Variants in SH3PXD2B observed in about 807,000 individuals in gnomAD.
SH3PXD2B encodes the protein SH3 and PX domains 2B, also known as SH3 and PX domain-containing protein 2B.
SH3PXD2B carries 37 observed loss-of-function variants against 73.1 expected under a neutral mutation model. That is an observed-to-expected ratio of 0.51 (90% CI 0.39 to 0.67). The LOEUF (loss-of-function observed/expected upper bound fraction) is 0.67, where lower values mean the gene tolerates loss of function less well. Among genes scored for constraint, SH3PXD2B ranks in the 30% least tolerant of loss-of-function variants. The pLI, the probability that SH3PXD2B is intolerant of heterozygous loss-of-function variation, is 0.00. For synonymous variants in SH3PXD2B, 457 were observed against 480.5 expected (o/e 0.95, Z 0.64); for missense variants, 1,053 against 1,197.8 (o/e 0.88, Z 1.78).
Position 172,379,354 on chromosome 5 carries a change from GC to G in SH3PXD2B, c.401+2681del, listed in dbSNP as rs1410151140. The stretch of plus-strand genomic sequence containing the variant: ...AAAAAGAAGAGACATAAGAGAGCTG[GC>G]TTTCTCTCTCTCTCTCTCTCCCATG... On this transcript the variant is annotated intron_variant, in intron 5 of 12. Coordinates refer to ENST00000311601, the MANE Select transcript of SH3PXD2B (RefSeq NM_001017995.3). 2.0e-5 allele frequency among the ~76,000 whole-genome samples: 3 copies of G among 151,008 alleles called. No individual in the cohort carries two copies. The East Asian group carries it at 5.8e-4, about 29-fold the overall frequency.
rs112978337 is a variant in SH3PXD2B at position 172,337,418 on chromosome 5, T to G, written c.*951A>C. The G allele has an allele frequency of 3.0e-5, 29 of 980,580 alleles. No homozygotes were observed. In the African/African-American group the frequency reaches 4.5e-4, roughly 15 times the overall value. The allele number at this position is 980,580 out of a possible 1,614,324, so 60.7% of individuals were successfully genotyped here. ...GTCCTTGGGCACATGGAGCGTGAATTTCCTCATCTATAAAGGGAGGTTGTG... is the reference window on the plus strand; with the variant it reads ...GTCCTTGGGCACATGGAGCGTGAATGTCCTCATCTATAAAGGGAGGTTGTG... On this transcript the variant is annotated 3_prime_UTR_variant, in exon 13 of 13. Transcript: ENST00000311601.
chr5:172,438,394 G>T (rs927384709), intron 1 of SH3PXD2B, among the ~76,000 whole-genome samples: 2 of 152,170 alleles, frequency 1.3e-5, no homozygotes, highest in Admixed American at 6.5e-5. Context: ...GGCCGGGTTT[G>T]TCTATTCACC....
At position 172,339,949 on chromosome 5, in the gene SH3PXD2B, A is replaced by T. The variant is rs369952816; in HGVS notation, c.1189-33T>A. ...GGAGGATAGAGAAAGGCACTTGGCT[A>T]CGATGCCAGGGCCAGCAGATGGAAT... On this transcript the variant is annotated intron_variant, in intron 12 of 12. Coordinates refer to ENST00000311601, the MANE Select transcript of SH3PXD2B (RefSeq NM_001017995.3). The surrounding 1 kb of genome is among the most constrained non-coding windows in gnomAD (Gnocchi z 6.1). 757 of 1,613,432 alleles carry T rather than the reference A, an allele frequency of 4.7e-4. 1 individual carries two copies. Among genetic ancestry groups the T allele is most frequent in the Middle Eastern group, 4.9e-4 (3 of 6,082 alleles).
At chr5:172,386,973 A>G (rs998720143) in intron 4 of SH3PXD2B, among the ~76,000 whole-genome samples, 1 of 152,194 alleles carries the variant, frequency 6.6e-6, no homozygotes, top group African/African-American at 2.4e-5. Flanking sequence ...TATTGTTTTC[A>G]GAAGTTCAAA....
intron 2 of SH3PXD2B, among the ~76,000 whole-genome samples, chr5:172,419,568 C>G (rs1758909692): frequency 6.6e-6 from 1 of 152,176 alleles, no homozygotes; most frequent in African/African-American, 2.4e-5. Flanking sequence ...TGGGCAACTG[C>G]AGGAAGTGGT....
rs1293457938 is a variant in SH3PXD2B, at chr5:172,350,511, G to A, written c.864C>T (p.Gly288=). ...NSGEPLPPKP[G]PGSPSHPGAL... is the part of the protein sequence containing the mutation. The stretch of plus-strand genomic sequence containing the variant: ...CACCCGGGTGGGAGGGTGAGCCAGG[G>A]CCTGGCTTCGGGGGCAAGGGCTCCC... The change falls in exon 10 of 13, where the codon GGC becomes GGT. Residue 288 remains glycine (G), a synonymous_variant. Coordinates refer to ENST00000311601, the MANE Select transcript of SH3PXD2B (RefSeq NM_001017995.3). 6.2e-7 allele frequency: 1 copy of A among 1,614,136 alleles called. No homozygotes were observed. The highest frequency in any genetic ancestry group is 8.5e-7 in the Non-Finnish European group (1 of 1,180,002).
intron 1 of SH3PXD2B, among the ~76,000 whole-genome samples, chr5:172,438,741 A>G (rs1759450758): frequency 6.6e-6 from 1 of 152,142 alleles, no homozygotes; most frequent in African/African-American, 2.4e-5. Flanking sequence ...GCCTCATCCC[A>G]CTGTATGTCA....
At position 172,339,535 on chromosome 5, in the gene SH3PXD2B, G is replaced by A; in HGVS notation, c.1570C>T (p.Pro524Ser). 1 of 1,614,154 alleles carries A rather than the reference G, an allele frequency of 6.2e-7. No homozygotes were observed. Among genetic ancestry groups the A allele is most frequent in the Non-Finnish European group, 8.5e-7 (1 of 1,180,046 alleles). The change falls in exon 13 of 13, where the codon CCG becomes TCG. Residue 524 changes from proline (P) to serine (S), a missense_variant. Transcript: ENST00000311601. The surrounding 1 kb of genome is among the most constrained non-coding windows in gnomAD (Gnocchi z 6.1). Reference sequence around the variant, plus strand: ...GACTTGATGATGGATTCTTTCCGCGGAGGGAGGCTGGGCTTCTCCTCCATG... The same window carrying A: ...GACTTGATGATGGATTCTTTCCGCGAAGGGAGGCTGGGCTTCTCCTCCATG... ...PDMEEKPSLP[P>S]RKESIIKSEG... is the part of the protein sequence containing the mutation.
intron 2 of SH3PXD2B, among the ~76,000 whole-genome samples, chr5:172,408,964 T>C (rs1445007672): frequency 1.3e-5 from 2 of 152,256 alleles, no homozygotes; most frequent in African/African-American, 4.8e-5. Flanking sequence ...TCAGCATATT[T>C]ACACATTCAT....
At chr5:172,326,061 A>G (rs1389938057) in intron 12 of SH3PXD2B, among the ~76,000 whole-genome samples, 1 of 152,216 alleles carries the variant, frequency 6.6e-6, no homozygotes, top group Non-Finnish European at 1.5e-5. Context: ...TGTTGGGATT[A>G]CAGGCGTGAG....
rs751896430 is a variant in SH3PXD2B at position 172,350,383 on chromosome 5, G to A, written c.992C>T (p.Pro331Leu). ...CTCACTCTGCTTGGCGTCACCGTCGGGCACCGGGCGGCCTTCAAACCGCCC... is the reference window on the plus strand; with the variant it reads ...CTCACTCTGCTTGGCGTCACCGTCGAGCACCGGGCGGCCTTCAAACCGCCC... The part of the protein sequence containing the change: ...RDGRFEGRPV[P>L]DGDAKQRSPK... Residue 331 changes from proline (P) to leucine (L), a missense_variant, in exon 10 of 13, where the codon CCC becomes CTC. This residue lies in a region of SH3PXD2B where 466 missense variants were observed against 607.1 expected (regional missense o/e 0.77). Transcript: ENST00000311601. 7 of 1,613,714 alleles carry A rather than the reference G, an allele frequency of 4.3e-6. No homozygotes were observed. In the South Asian group the frequency reaches 7.7e-5, roughly 18 times the overall value.
At chr5:172,412,577 A>G (rs1047303591) in intron 2 of SH3PXD2B, among the ~76,000 whole-genome samples, 1 of 152,174 alleles carries the variant, frequency 6.6e-6, no homozygotes. Context: ...GACTCAGGAT[A>G]AGATGCTGGG....
At chr5:172,326,743 CT>C (rs1171081620) in intron 12 of SH3PXD2B, among the ~76,000 whole-genome samples, 5 of 152,062 alleles carry the variant, frequency 3.3e-5, no homozygotes, top group Admixed American at 2.6e-4. Context: ...TACGTAAATA[CT>C]TGTGTAACAT....
At chr5:172,331,811 C>A (rs1756561599), downstream of SH3PXD2B, among the ~76,000 whole-genome samples, 1 of 151,926 alleles carries the variant, frequency 6.6e-6, no homozygotes, top group Non-Finnish European at 1.5e-5. Context: ...AGTTAGCTGG[C>A]AGTACACACC....
At chr5:172,350,213 A>C in intron 10 of SH3PXD2B, 150 bp downstream of exon 10, 25 of 690,458 alleles carry the variant, frequency 3.6e-5, no homozygotes, top group Non-Finnish European at 5.1e-5. Flanking sequence ...GGAATAAGTT[A>C]CCCGGGGTTT....
At chr5:172,375,844 T>A (rs940952901) in intron 5 of SH3PXD2B, among the ~76,000 whole-genome samples, 1 of 152,204 alleles carries the variant, frequency 6.6e-6, no homozygotes, top group South Asian at 2.1e-4. Flanking sequence ...TATGGACATG[T>A]ATTTTTATTT....
chr5:172,400,131 C>T (rs183762009), intron 3 of SH3PXD2B, among the ~76,000 whole-genome samples: 23 of 152,280 alleles, frequency 1.5e-4, no homozygotes, highest in African/African-American at 4.3e-4. Flanking sequence ...ATTTGGTCTC[C>T]GGCCTCTCCC....
At chr5:172,362,611 C>CA in intron 7 of SH3PXD2B, 124 bp downstream of exon 7, 1 of 1,382,620 alleles carries the variant, frequency 7.2e-7, no homozygotes, top group South Asian at 1.2e-5. Flanking sequence ...AGGAGACCCT[C>CA]AGCAGGATCT....
chr5:172,350,255 G>C, intron 10 of SH3PXD2B, 108 bp downstream of exon 10: 6 of 1,057,226 alleles, frequency 5.7e-6, no homozygotes, highest in Non-Finnish European at 6.9e-6. Context: ...TGGAGGATGG[G>C]GGAGCAGCTG....
Sources: gnomAD v4.1 joint callset for allele counts (sites outside exome capture counted in the v4.1 genomes callset) on GRCh38, gnomAD v4.1.1 for gene constraint, gnomAD v4.1.1 regional missense constraint, Gnocchi (gnomAD v3.1) non-coding constraint, MANE v1.5 for transcripts, NCBI Gene and HGNC (gene_info 2026-07-23, HGNC 2026-07-21) for gene names.